Variants in ZMYND11 observed in about 807,000 individuals in gnomAD.
ZMYND11 encodes the protein zinc finger MYND domain-containing protein 11.
Under a neutral mutation model 84.9 loss-of-function variants are expected in ZMYND11, and 9 were observed. The observed-to-expected ratio is 0.11, with a 90% CI of 0.06 to 0.18. The LOEUF is 0.18. ZMYND11 is among the 10% of genes least tolerant of loss of function. The pLI, the probability that ZMYND11 is intolerant of heterozygous loss-of-function variation, is 1.00. For missense variants in ZMYND11, 409 were observed against 761.0 expected (o/e 0.54, Z 5.44); for synonymous variants, 250 against 244.1 (o/e 1.02, Z -0.23).
rs551838691 is a variant in ZMYND11 at position 180,641 on chromosome 10, C to T, written c.116+513C>T. 7.2e-5 allele frequency among the ~76,000 whole-genome samples: 11 copies of T among 152,322 alleles called. No homozygotes were observed. The South Asian group carries it at 1.9e-3, about 26-fold the overall frequency. ...ATCTCAAACTCCTGACCTCGTGATT[C>T]GCCCGCCTTGGCGTCCCAAAGTGCT... On this transcript the variant is annotated intron_variant, in intron 2 of 14. Coordinates refer to ENST00000381604, the MANE Select transcript of ZMYND11 (RefSeq NM_001370100.5).
chr10:165,233 C>T (rs1170110437), intron 1 of ZMYND11, among the ~76,000 whole-genome samples: 2 of 152,244 alleles, frequency 1.3e-5, no homozygotes, highest in South Asian at 4.1e-4. Flanking sequence ...ATTTTCAGTT[C>T]TTTCTGCTTT....
At position 241,824 on chromosome 10, in the gene ZMYND11, G is replaced by A. The variant is rs17158042; in HGVS notation, c.832-197G>A. Among the ~76,000 whole-genome samples the A allele has an allele frequency of 0.011, 1,705 of 152,172 alleles. 88 individuals are homozygous for A. The East Asian group carries it at 0.13, about 11-fold the overall frequency. On this transcript the variant is annotated intron_variant, in intron 9 of 14. Transcript: ENST00000381604. ...TTGCTCCAGTCCCGACCTCTTCTGA[G>A]GAATAAGGTTCATGTTGGCACTCTG...
At chr10:246,333 T>G (rs1952157116) in intron 10 of ZMYND11, among the ~76,000 whole-genome samples, 1 of 152,236 alleles carries the variant, frequency 6.6e-6, no homozygotes, top group Non-Finnish European at 1.5e-5. Context: ...CAAGTGATTC[T>G]TTAGTGCTAA....
chr10:133,677 G>A (rs1321630180), upstream of ZMYND11, among the ~76,000 whole-genome samples: 1 of 152,110 alleles, frequency 6.6e-6, no homozygotes, highest in Non-Finnish European at 1.5e-5. Flanking sequence ...TGTTTAAAAA[G>A]GTGACTCACT....
intron 2 of ZMYND11, among the ~76,000 whole-genome samples, chr10:186,047 T>G (rs1286636057): frequency 6.6e-6 from 1 of 151,416 alleles, no homozygotes; most frequent in Non-Finnish European, 1.5e-5. Context: ...TCTGGCTCTT[T>G]CGCCCAGGTT....
At chr10:144,900 A>T (rs535357596) in intron 1 of ZMYND11, among the ~76,000 whole-genome samples, 1 of 150,320 alleles carries the variant, frequency 6.7e-6, no homozygotes, top group Admixed American at 6.6e-5. Context: ...TATTAAAGAG[A>T]TTTTTAAAAT....
intron 1 of ZMYND11, among the ~76,000 whole-genome samples, chr10:155,961 G>C (rs781912581): frequency 4.6e-5 from 7 of 152,218 alleles, no homozygotes; most frequent in Non-Finnish European, 8.8e-5. Flanking sequence ...GGCAAACCTT[G>C]AGGGAGGAGA....
At chr10:153,640 T>C (rs1840954288) in intron 1 of ZMYND11, among the ~76,000 whole-genome samples, 1 of 152,250 alleles carries the variant, frequency 6.6e-6, no homozygotes, top group Non-Finnish European at 1.5e-5. Context: ...TTACATACTT[T>C]ATTATATTTG....
chr10:153,260 G>C (rs188026301), intron 1 of ZMYND11, among the ~76,000 whole-genome samples: 1 of 152,156 alleles, frequency 6.6e-6, no homozygotes, highest in Non-Finnish European at 1.5e-5. Context: ...AAACATTCTC[G>C]TTAAATTTAG....
chr10:220,962 GT>G (rs1340595207), intron 3 of ZMYND11, among the ~76,000 whole-genome samples: 1 of 152,152 alleles, frequency 6.6e-6, no homozygotes, highest in Admixed American at 6.5e-5. Context: ...TTTTGGACTG[GT>G]TTTGCTATCA....
intron 3 of ZMYND11, among the ~76,000 whole-genome samples, chr10:210,888 TGTG>T (rs1245639804): frequency 6.6e-6 from 1 of 152,102 alleles, no homozygotes; most frequent in Non-Finnish European, 1.5e-5. Context: ...TGTGGCCAGG[TGTG>T]GTGGCTCATG....
intron 2 of ZMYND11, among the ~76,000 whole-genome samples, chr10:196,271 T>C (rs1015254957): frequency 2.6e-5 from 4 of 152,222 alleles, no homozygotes; most frequent in Non-Finnish European, 5.9e-5. Flanking sequence ...CTGGTAATAC[T>C]ACGGAAAATT....
In ZMYND11 at chr10:221,646, A is replaced by G. The variant is rs528802334; in HGVS notation, c.438+290A>G. The stretch of plus-strand genomic sequence containing the variant: ...TAATGGATGGCCTTTGGACATCAGA[A>G]ATACGAAACCTACTAACATCTGTTC... On this transcript the variant is annotated intron_variant, in intron 4 of 14. Transcript: ENST00000381604. Among the ~76,000 whole-genome samples, 5 of 152,314 alleles carry G rather than the reference A, an allele frequency of 3.3e-5. No homozygotes were observed. The South Asian group carries it at 1.0e-3, about 32-fold the overall frequency.
chr10:209,774 G>A (rs1944854708), intron 2 of ZMYND11, 115 bp from the exon 3 acceptor site: 1 of 982,042 alleles, frequency 1.0e-6, no homozygotes, highest in African/African-American at 1.6e-5. Context: ...TATCTCAACA[G>A]GACTCTCATA....
chr10:216,699 A>G (rs552268019), intron 3 of ZMYND11, among the ~76,000 whole-genome samples: 6 of 152,232 alleles, frequency 3.9e-5, no homozygotes, highest in African/African-American at 1.4e-4. Flanking sequence ...ATACTTAGAA[A>G]TTATTCTTGC....
At chr10:143,524 A>G (rs782568247) in intron 1 of ZMYND11, among the ~76,000 whole-genome samples, 3 of 152,168 alleles carry the variant, frequency 2.0e-5, no homozygotes, top group African/African-American at 4.8e-5. Flanking sequence ...AGTTCTTGCA[A>G]TACAAAAAAA....
At chr10:244,940 T>G (rs1951824271) in intron 10 of ZMYND11, among the ~76,000 whole-genome samples, 1 of 152,250 alleles carries the variant, frequency 6.6e-6, no homozygotes, top group Non-Finnish European at 1.5e-5. Flanking sequence ...TTCCAGGTAG[T>G]CAGCACTGCT....
intron 8 of ZMYND11, 117 bp from the exon 9 acceptor site, chr10:240,773 TAAG>T: frequency 1.3e-6 from 1 of 791,638 alleles, no homozygotes; most frequent in South Asian, 1.9e-5. Flanking sequence ...CTTAAAAGAT[TAAG>T]AAACAAAATT....
chr10:195,328 G>A (rs1384745659), intron 2 of ZMYND11, among the ~76,000 whole-genome samples: 1 of 152,070 alleles, frequency 6.6e-6, no homozygotes, highest in East Asian at 1.9e-4. Flanking sequence ...AACGAATAAT[G>A]AGCAAAGACT....
Sources: allele counts gnomAD v4.1 joint callset (sites outside exome capture counted in the v4.1 genomes callset), GRCh38; gene constraint gnomAD v4.1.1; transcripts MANE v1.5; gene names NCBI Gene and HGNC (gene_info 2026-07-23, HGNC 2026-07-21).